The following SLC15A1 variants were observed in gnomAD, a reference collection of about 807,000 sequenced individuals.
The protein encoded by SLC15A1 is solute carrier family 15 member 1.
Under a neutral mutation model 92.9 loss-of-function variants are expected in SLC15A1, and 83 were observed. That is an observed-to-expected ratio of 0.89 (90% CI 0.75 to 1.07). The LOEUF is 1.07. Ranked by LOEUF, SLC15A1 falls within the 50% of genes least tolerant of loss-of-function variation. The pLI, the probability that SLC15A1 is intolerant of heterozygous loss-of-function variation, is 0.00. For synonymous variants in SLC15A1, 322 were observed against 318.2 expected, an observed-to-expected ratio of 1.01 and a Z score of -0.13; for missense variants, 857 against 880.1, an observed-to-expected ratio of 0.97 and a Z score of 0.33.
At position 98,726,166 on chromosome 13, in the gene SLC15A1, T is replaced by C. The variant is rs774471834; in HGVS notation, c.202A>G (p.Ile68Val). 18 of 1,613,996 alleles carry C rather than the reference T, an allele frequency of 1.1e-5. No individual in the cohort carries two copies. Among genetic ancestry groups the C allele is most frequent in the Middle Eastern group, 1.6e-4 (1 of 6,084 alleles). Residue 68 changes from isoleucine (I) to valine (V), a missense_variant, in exon 4 of 23, where the codon ATT becomes GTT. Transcript: ENST00000376503. Reference sequence around the variant, plus strand: ...GAGTCGGCGATAAGAGCTCCGAGAATTGGCGTCAGGTAGCACAGAGCCACA... The same window carrying C: ...GAGTCGGCGATAAGAGCTCCGAGAACTGGCGTCAGGTAGCACAGAGCCACA... ...TFVALCYLTP[I>V]LGALIADSWL...
At chr13:98,743,865 A>C (rs1422042145) in intron 1 of SLC15A1, among the ~76,000 whole-genome samples, 1 of 152,210 alleles carries the variant, frequency 6.6e-6, no homozygotes, top group Non-Finnish European at 1.5e-5. Context: ...TCCTCAGAGC[A>C]GACTCTAGAA....
At chr13:98,699,491 G>C (rs1471291004) in intron 18 of SLC15A1, among the ~76,000 whole-genome samples, 1 of 152,092 alleles carries the variant, frequency 6.6e-6, no homozygotes, top group Non-Finnish European at 1.5e-5. Flanking sequence ...CTTTTTTGCT[G>C]AGTGGTGGGT....
At chr13:98,700,059 A>G (rs2088054693) in intron 18 of SLC15A1, among the ~76,000 whole-genome samples, 1 of 152,232 alleles carries the variant, frequency 6.6e-6, no homozygotes, top group African/African-American at 2.4e-5. Context: ...GAGCTTTTAG[A>G]GTACTTTACA....
rs898374872 is a variant in SLC15A1, at chr13:98,744,240, CAAAAA to C, written c.4+8350_4+8354del. ...TAGGTGACAGAGTGAGACTCTGTCT[CAAAAA>C]AAAAAAAAAAAAAAAAAAGAACCAA... is the stretch of plus-strand genomic sequence containing the variant. On this transcript the variant is annotated intron_variant, in intron 1 of 22. Coordinates refer to ENST00000376503, the MANE Select transcript of SLC15A1 (RefSeq NM_005073.4). 8.3e-4 allele frequency among the ~76,000 whole-genome samples: 35 copies of C among 42,356 alleles called. No individual in the cohort carries two copies. In the South Asian group the frequency reaches 0.031, roughly 37 times the overall value. The allele number at this position is 42,356 out of a possible 152,430, so 27.8% of individuals were successfully genotyped here. A position where few individuals can be genotyped will look rare whatever the true frequency, so the allele number is the denominator to read the frequency against.
At chr13:98,687,118 GTTTTTTTAAT>G (rs1227789817) in intron 21 of SLC15A1, among the ~76,000 whole-genome samples, 5 of 151,472 alleles carry the variant, frequency 3.3e-5, no homozygotes, top group African/African-American at 1.2e-4. Context: ...CAGCTAATGT[GTTTTTTTAAT>G]TTTTTTTAAT....
At chr13:98,729,701 A>T (rs2088331936) in intron 1 of SLC15A1, among the ~76,000 whole-genome samples, 1 of 152,088 alleles carries the variant, frequency 6.6e-6, no homozygotes, top group Non-Finnish European at 1.5e-5. Flanking sequence ...TTATATTTTC[A>T]TTATGTGCAA....
chr13:98,752,241 G>A (rs561426172), intron 1 of SLC15A1, among the ~76,000 whole-genome samples: 32 of 152,376 alleles, frequency 2.1e-4, no homozygotes, highest in African/African-American at 7.5e-4. Context: ...CCAGTTAGAC[G>A]GTGTTTCTGC....
chr13:98,708,492 C>T (rs917912572), intron 15 of SLC15A1, among the ~76,000 whole-genome samples, 194 bp downstream of exon 15: 2 of 152,036 alleles, frequency 1.3e-5, no homozygotes, highest in African/African-American at 4.8e-5. Flanking sequence ...TTATGTAAGC[C>T]TTTTTCCCCT....
chr13:98,698,061 A>T (rs531498887), intron 18 of SLC15A1, among the ~76,000 whole-genome samples: 43 of 152,294 alleles, frequency 2.8e-4, no homozygotes, highest in Non-Finnish European at 3.2e-4. Context: ...ACGGGGAAAA[A>T]AAATAGAAGC....
Position 98,723,931 on chromosome 13 carries a change from C to T in SLC15A1, c.346G>A (p.Asp116Asn), listed in dbSNP as rs145542519. 134 of 1,614,076 alleles carry T rather than the reference C, an allele frequency of 8.3e-5. No homozygotes were observed. In the East Asian group the frequency reaches 2.8e-3, roughly 33 times the overall value. Residue 116 changes from aspartate to asparagine, a missense_variant, in exon 5 of 23, where the codon GAC becomes AAC. Physicochemically the swap from Asp to Asn is conservative, Grantham distance 23 (BLOSUM62 1). Coordinates refer to ENST00000376503, the MANE Select transcript of SLC15A1 (RefSeq NM_005073.4). ...ACTCACACGTGCACAGGAAGGCTGT[C>T]GGGGGTGCCATCATGGTTGTGGTCT... ...LTDHNHDGTP[D>N]SLPVHVVLSL...
At chr13:98,715,277 C>A (rs2088203954) in intron 9 of SLC15A1, among the ~76,000 whole-genome samples, 2 of 152,202 alleles carry the variant, frequency 1.3e-5, no homozygotes, top group Admixed American at 6.5e-5. Flanking sequence ...CAGGTTCAAG[C>A]AATTCTCCTG....
chr13:98,697,634 TTTA>T (rs1457894850), intron 18 of SLC15A1, among the ~76,000 whole-genome samples: 16 of 151,594 alleles, frequency 1.1e-4, no homozygotes, highest in African/African-American at 3.9e-4. Flanking sequence ...TTTTTTTTTT[TTTA>T]AATCTTTTAG....
intron 1 of SLC15A1, among the ~76,000 whole-genome samples, chr13:98,736,984 C>T (rs1234664604): frequency 1.3e-5 from 2 of 152,190 alleles, no homozygotes; most frequent in African/African-American, 4.8e-5. Flanking sequence ...CCAGCCATCC[C>T]ATTACTGGGT....
intron 1 of SLC15A1, among the ~76,000 whole-genome samples, chr13:98,735,011 T>C (rs899084062): frequency 2.8e-4 from 43 of 152,114 alleles, no homozygotes; most frequent in African/African-American, 9.9e-4. Flanking sequence ...GATACCAAAG[T>C]CTGGCAGAGA....
intron 18 of SLC15A1, among the ~76,000 whole-genome samples, chr13:98,697,488 G>A (rs1247093548): frequency 6.6e-6 from 1 of 152,152 alleles, no homozygotes; most frequent in Non-Finnish European, 1.5e-5. Context: ...CCCTCTTGCT[G>A]GCAAGATGAA....
chr13:98,721,638 C>A, intron 6 of SLC15A1, 53 bp from the exon 7 acceptor site: 1 of 1,354,018 alleles, frequency 7.4e-7, no homozygotes, highest in South Asian at 1.3e-5. Flanking sequence ...CCACTGAGCA[C>A]AGGGAGCTGA....
intron 1 of SLC15A1, among the ~76,000 whole-genome samples, chr13:98,734,185 T>C (rs2088372017): frequency 6.6e-6 from 1 of 152,150 alleles, no homozygotes; most frequent in Non-Finnish European, 1.5e-5. Context: ...AGGCTGGTCT[T>C]GAACTCTGGC....
At chr13:98,685,065 A>T in intron 22 of SLC15A1, 150 bp from the exon 23 acceptor site, 1 of 693,192 alleles carries the variant, frequency 1.4e-6, no homozygotes, top group Non-Finnish European at 2.4e-6. Context: ...ACCAATACAG[A>T]TACAGTAAGC....
Position 98,721,828 on chromosome 13 carries a change from A to G in SLC15A1, c.441T>C (p.Gly147=), listed in dbSNP as rs1463335636. The G allele has an allele frequency of 6.2e-7, 1 of 1,613,946 alleles. No individual in the cohort carries two copies. Residue 147 remains glycine, a synonymous_variant, in exon 6 of 23, where the codon GGT becomes GGC. Transcript: ENST00000376503. The stretch of plus-strand genomic sequence containing the variant: ...CCTGGCCCTCTTCAAACTGATCTCC[A>G]CCAAACGCAGACACACAGGGTTTGA... ...GGIKPCVSAF[G]GDQFEEGQEK...
Sources: gnomAD v4.1 joint callset for allele counts (sites outside exome capture counted in the v4.1 genomes callset) on GRCh38, gnomAD v4.1.1 for gene constraint, MANE v1.5 for transcripts, NCBI Gene and HGNC (gene_info 2026-07-23, HGNC 2026-07-21) for gene names.